The following ADAMTS6 variants were observed in gnomAD, a reference collection of about 807,000 sequenced individuals.
ADAMTS6 encodes ADAM metallopeptidase with thrombospondin type 1 motif 6.
A neutral mutation model predicts 144.3 loss-of-function variants in ADAMTS6; 23 were observed. That is an observed-to-expected ratio of 0.16 (90% CI 0.11 to 0.23). The LOEUF is 0.23. Among genes scored for constraint, ADAMTS6 ranks in the 10% least tolerant of loss-of-function variants. The pLI, the probability that ADAMTS6 is intolerant of heterozygous loss-of-function variation, is 1.00. For synonymous variants in ADAMTS6, 444 were observed against 457.5 expected, an observed-to-expected ratio of 0.97 and a Z score of 0.38; for missense variants, 999 against 1,379.6, an observed-to-expected ratio of 0.72 and a Z score of 4.37.
intron 20 of ADAMTS6, among the ~76,000 whole-genome samples, chr5:65,209,600 G>A (rs1756353995): frequency 6.6e-6 from 1 of 152,168 alleles, no homozygotes; most frequent in Admixed American, 6.5e-5. Flanking sequence ...AAAGTCTCAA[G>A]CTTCTTATCT....
intron 7 of ADAMTS6, among the ~76,000 whole-genome samples, chr5:65,352,096 G>A (rs1487677674): frequency 6.6e-6 from 1 of 151,926 alleles, no homozygotes; most frequent in Non-Finnish European, 1.5e-5. Context: ...GAACAACGCT[G>A]TTCTAGCCAA....
chr5:65,290,509 C>T (rs553259783), intron 11 of ADAMTS6, among the ~76,000 whole-genome samples: 1 of 152,144 alleles, frequency 6.6e-6, no homozygotes, highest in Admixed American at 6.5e-5. Flanking sequence ...CAAGATTGCA[C>T]CACTGCACTC....
chr5:65,473,689 A>G lies in ADAMTS6; in HGVS notation c.-16T>C, dbSNP rs1212022196. ...AAATTTCCATAATTTAGAAAACTGG[A>G]TGATTTTTTTGAGGGCTACCTATGT... On this transcript the variant is annotated 5_prime_UTR_variant, in exon 2 of 25. Coordinates refer to ENST00000381055, the MANE Select transcript of ADAMTS6 (RefSeq NM_197941.4). The G allele has an allele frequency of 6.2e-7, 1 of 1,605,738 alleles. No homozygotes were observed. Among genetic ancestry groups the G allele is most frequent in the South Asian group, 1.1e-5 (1 of 90,906 alleles).
chr5:65,276,467 G>A (rs898490678), intron 11 of ADAMTS6, among the ~76,000 whole-genome samples: 3 of 152,026 alleles, frequency 2.0e-5, no homozygotes, highest in Non-Finnish European at 4.4e-5. Context: ...ATCCAATTTC[G>A]GAATGTTTCC....
At chr5:65,209,989 T>C (rs577791324) in intron 20 of ADAMTS6, 12 of 185,988 alleles carry the variant, frequency 6.5e-5, no homozygotes, top group African/African-American at 2.8e-4. Flanking sequence ...GAGATACCAT[T>C]TGTCAGATTG....
chr5:65,380,315 T>TAA (rs1480661412), intron 7 of ADAMTS6, among the ~76,000 whole-genome samples: 1 of 152,102 alleles, frequency 6.6e-6, no homozygotes, highest in Non-Finnish European at 1.5e-5. Context: ...CTTATGCTTG[T>TAA]AATCCCAGCA....
At chr5:65,406,822 C>A (rs1754555360) in intron 7 of ADAMTS6, among the ~76,000 whole-genome samples, 1 of 151,794 alleles carries the variant, frequency 6.6e-6, no homozygotes, top group Admixed American at 6.6e-5. Flanking sequence ...CCCATCAATA[C>A]CTAGTTTATT....
chr5:65,275,749 T>C (rs1305813909), intron 11 of ADAMTS6, among the ~76,000 whole-genome samples: 1 of 151,960 alleles, frequency 6.6e-6, no homozygotes, highest in East Asian at 1.9e-4. Context: ...TAATATATTC[T>C]TGTAGTTTAA....
At chr5:65,382,231 A>C (rs1445498582) in intron 7 of ADAMTS6, among the ~76,000 whole-genome samples, 1 of 152,258 alleles carries the variant, frequency 6.6e-6, no homozygotes, top group Non-Finnish European at 1.5e-5. Context: ...GCATATCTGC[A>C]GGCAAAGCTA....
At chr5:65,462,484 A>G (rs986815987) in intron 3 of ADAMTS6, among the ~76,000 whole-genome samples, 1 of 152,210 alleles carries the variant, frequency 6.6e-6, no homozygotes, top group Non-Finnish European at 1.5e-5. Context: ...AAATGTTTAT[A>G]ACATTATCTC....
intron 7 of ADAMTS6, chr5:65,415,829 TC>T: frequency 3.9e-6 from 1 of 253,918 alleles, no homozygotes; most frequent in Non-Finnish European, 7.7e-6. Flanking sequence ...CTCTCCATTG[TC>T]CCTGTGTGCA....
intron 24 of ADAMTS6, among the ~76,000 whole-genome samples, chr5:65,164,206 T>C (rs866030196): frequency 0.027 from 4,074 of 151,758 alleles, 195 homozygotes; most frequent in African/African-American, 0.091. Flanking sequence ...GGGCGAGGCA[T>C]TGCCTCACCT....
chr5:65,202,417 T>C (rs900055764), intron 20 of ADAMTS6, among the ~76,000 whole-genome samples: 6 of 152,176 alleles, frequency 3.9e-5, no homozygotes, highest in Non-Finnish European at 8.8e-5. Flanking sequence ...CTTTTCCATA[T>C]AAAGTATCTA....
At chr5:65,272,647 T>C (rs1259374164) in intron 12 of ADAMTS6, among the ~76,000 whole-genome samples, 4 of 152,132 alleles carry the variant, frequency 2.6e-5, no homozygotes, top group African/African-American at 7.2e-5. Flanking sequence ...AGATGGGGTG[T>C]GGTAGCTCAT....
At chr5:65,388,214 A>C (rs1384310458) in intron 7 of ADAMTS6, among the ~76,000 whole-genome samples, 25 of 152,130 alleles carry the variant, frequency 1.6e-4, no homozygotes, top group Admixed American at 1.2e-3. Context: ...AACCCCCCCA[A>C]AAAAAAAGAA....
At chr5:65,156,201 T>C (rs1416848760) in intron 24 of ADAMTS6, among the ~76,000 whole-genome samples, 1 of 152,168 alleles carries the variant, frequency 6.6e-6, no homozygotes, top group Non-Finnish European at 1.5e-5. Flanking sequence ...GCCTTAATTA[T>C]AAAACTTATT....
At position 65,206,683 on chromosome 5, in the gene ADAMTS6, G is replaced by A. The variant is rs532370633; in HGVS notation, c.2575+8111C>T. On this transcript the variant is annotated intron_variant, in intron 20 of 24. Coordinates refer to ENST00000381055, the MANE Select transcript of ADAMTS6 (RefSeq NM_197941.4). ...CCACTGCACTCCAGCCTGGGCAACA[G>A]AGCCAGACTCCATCTCAAAAAAAAA... Among the ~76,000 whole-genome samples, 5 of 114,126 alleles carry A rather than the reference G, an allele frequency of 4.4e-5. No homozygotes were observed. In the South Asian group the frequency reaches 1.4e-3, roughly 32 times the overall value. 74.9% of individuals were successfully genotyped at this position (114,126 alleles called of 152,430 possible).
At chr5:65,328,303 T>G (rs917746771) in intron 9 of ADAMTS6, among the ~76,000 whole-genome samples, 30 of 152,206 alleles carry the variant, frequency 2.0e-4, no homozygotes, top group African/African-American at 6.3e-4. Context: ...GGTAAGTATA[T>G]AAAAAACATT....
intron 3 of ADAMTS6, among the ~76,000 whole-genome samples, chr5:65,469,899 C>G (rs1188356149): frequency 6.6e-6 from 1 of 152,138 alleles, no homozygotes; most frequent in African/African-American, 2.4e-5. Context: ...TTCACAGATA[C>G]AGCTTTAATG....
Sources: gnomAD v4.1 joint callset for allele counts (sites outside exome capture counted in the v4.1 genomes callset) on GRCh38, gnomAD v4.1.1 for gene constraint, MANE v1.5 for transcripts, NCBI Gene and HGNC (gene_info 2026-07-23, HGNC 2026-07-21) for gene names.